VILL: variants seen among roughly 807,000 people sequenced by gnomAD.
The protein encoded by VILL is villin-like protein.
A neutral mutation model predicts 106.3 loss-of-function variants in VILL; 102 were observed. The ratio of observed to expected loss-of-function variants is 0.96; its 90% CI spans 0.82 to 1.13. The LOEUF is 1.13. Ranked by LOEUF, VILL falls within the 50% of genes most tolerant of loss-of-function variation. The pLI, the probability that VILL is intolerant of heterozygous loss-of-function variation, is 0.00. For missense variants in VILL, 1,076 were observed against 1,116.6 expected (o/e 0.96, Z 0.52); for synonymous variants, 431 against 440.3 (o/e 0.98, Z 0.27).
At chr3:38,003,617 C>T in intron 15 of VILL, 1 of 394,526 alleles carries the variant, frequency 2.5e-6, no homozygotes, top group South Asian at 2.8e-5. Context: ...CCCTACAGTC[C>T]TCAGGGATCA....
Position 38,002,420 on chromosome 3 carries a change from GGGCAGTCAGCATCCACCACAA to G in VILL, c.1508_1528del (p.Gln503_Arg509del). The G allele has an allele frequency of 2.5e-6, 4 of 1,613,356 alleles. No homozygotes were observed. In the South Asian group the frequency reaches 4.4e-5, roughly 18 times the overall value. ...GGAGAGAGCTGGGCACCATGGAAAG[GGGCAGTCAGCATCCACCACAA>G]GGCTTTTCCAAGTGCAAGGCACTGA... is the stretch of plus-strand genomic sequence containing the variant. On this transcript the variant is annotated inframe_deletion, in exon 14 of 20. Coordinates refer to ENST00000383759, the MANE Select transcript of VILL (RefSeq NM_015873.4).
chr3:38,002,393 T>C lies in VILL; in HGVS notation c.1480-3T>C, dbSNP rs1239482983. On this transcript the variant is annotated splice_polypyrimidine_tract_variant and splice_region_variant and intron_variant, in intron 13 of 19. Coordinates refer to ENST00000383759, the MANE Select transcript of VILL (RefSeq NM_015873.4). ...CCCAGCCTGAGGCCTTGCTCTCCTA[T>C]AGGAGAGAGCTGGGCACCATGGAAA... The C allele has an allele frequency of 1.9e-6, 3 of 1,609,034 alleles. No individual in the cohort carries two copies. The highest frequency in any genetic ancestry group is 2.5e-6 in the Non-Finnish European group (3 of 1,177,400).
In VILL at chr3:37,997,267, CA is replaced by C; in HGVS notation, c.561+83del. The C allele has an allele frequency of 6.9e-7, 1 of 1,459,506 alleles. No homozygotes were observed. The highest frequency in any genetic ancestry group is 9.5e-7 in the Non-Finnish European group (1 of 1,047,736). 90.4% of individuals were successfully genotyped at this position (1,459,506 alleles called of 1,614,324 possible). A position where few individuals can be genotyped will look rare whatever the true frequency, so the allele number is the denominator to read the frequency against. ...TCCAGTTGACCATCCTCCGGCCACC[CA>C]AAGAGTTGGGCTTGGCTCTGCTACA... On this transcript the variant is annotated intron_variant, in intron 6 of 19. Coordinates refer to ENST00000383759, the MANE Select transcript of VILL (RefSeq NM_015873.4). This position sits in a 1 kb window ranked among gnomAD's most constrained non-coding sequence, Gnocchi z 4.7.
chr3:38,002,173 T>TG (rs1244531910), intron 13 of VILL: 2 of 633,938 alleles, frequency 3.2e-6, no homozygotes, highest in Non-Finnish European at 5.4e-6. Context: ...CACTCAGAGA[T>TG]GGGGGGAAAG....
intron 14 of VILL, chr3:38,002,955 C>A (rs1699846476): frequency 1.6e-6 from 1 of 611,776 alleles, no homozygotes; most frequent in Non-Finnish European, 2.8e-6. Flanking sequence ...ATGCTCTGGA[C>A]CCTGCGAGGG....
rs980515787 is a variant in VILL, at chr3:38,004,400, G to A, written c.1950+1G>A. ...CATGTTACTGGACACCTGGCAGGAGGTAAGGTGGCCATCCCTGCCTGGTGG... is the reference window on the plus strand; with the variant it reads ...CATGTTACTGGACACCTGGCAGGAGATAAGGTGGCCATCCCTGCCTGGTGG... On this transcript the variant is annotated splice_donor_variant, in intron 16 of 19. Coordinates refer to ENST00000383759, the MANE Select transcript of VILL (RefSeq NM_015873.4). LOFTEE classifies it high-confidence loss of function. 34 of 1,603,310 alleles carry A rather than the reference G, an allele frequency of 2.1e-5. No individual in the cohort carries two copies. The highest frequency in any genetic ancestry group is 3.3e-5 in the South Asian group (3 of 90,804).
At chr3:38,003,065 G>A (rs986470260) in intron 14 of VILL, 103 bp from the exon 15 acceptor site, 5 of 1,444,012 alleles carry the variant, frequency 3.5e-6, no homozygotes, top group Admixed American at 5.0e-5. Context: ...GGCCTCCTGT[G>A]ACTTGGGCCC....
intron 10 of VILL, 56 bp downstream of exon 10, chr3:37,999,106 C>T (rs1298756794): frequency 1.9e-6 from 1 of 535,006 alleles, no homozygotes; most frequent in African/African-American, 3.4e-5. Flanking sequence ...GGGGCGGGGC[C>T]TGGCAGGAAT....
At chr3:37,992,146 ACT>A (rs1281305755) in intron 1 of VILL, among the ~76,000 whole-genome samples, 2 of 152,024 alleles carry the variant, frequency 1.3e-5, no homozygotes, top group African/African-American at 4.8e-5. Flanking sequence ...TCTTTCTGGC[ACT>A]CTGTCACCAT....
intron 12 of VILL, 28 bp from the exon 13 acceptor site, chr3:38,001,674 G>A (rs745673701): frequency 1.2e-6 from 2 of 1,613,878 alleles, no homozygotes; most frequent in South Asian, 2.2e-5. Flanking sequence ...AGCTGGGCCA[G>A]GCCCTCACTC....
In VILL at chr3:37,997,712, TGGG is replaced by T; in HGVS notation, c.764+28_764+30del. ...TGAGTACCCCTGGGGTGGGCAGGGGTGGGTGGGACAGTCCAGGACTCTGTGTCC... is the reference window on the plus strand; with the variant it reads ...TGAGTACCCCTGGGGTGGGCAGGGGTTGGGACAGTCCAGGACTCTGTGTCC... On this transcript the variant is annotated intron_variant, in intron 7 of 19. Transcript: ENST00000383759. The surrounding 1 kb of genome is among the most constrained non-coding windows in gnomAD (Gnocchi z 4.7). 3.2e-6 allele frequency: 2 copies of T among 618,884 alleles called. No homozygotes were observed. The highest frequency in any genetic ancestry group is 5.8e-6 in the Non-Finnish European group (2 of 342,600). The allele number at this position is 618,884 out of a possible 1,614,324, so 38.3% of individuals were successfully genotyped here. A position where few individuals can be genotyped will look rare whatever the true frequency, so the allele number is the denominator to read the frequency against.
chr3:37,998,232 A>G lies in VILL; in HGVS notation c.844-34A>G, dbSNP rs1473992248. On this transcript the variant is annotated intron_variant, in intron 8 of 19. Transcript: ENST00000383759. The surrounding 1 kb of genome is among the most constrained non-coding windows in gnomAD (Gnocchi z 4.1). ...CATCCACAACCCCAGCCCAGTCTGG[A>G]CCACCTACTGACCAGCCCCACCCTT... The G allele has an allele frequency of 1.2e-6, 2 of 1,613,726 alleles. No homozygotes were observed. The highest frequency in any genetic ancestry group is 1.3e-5 in the African/African-American group (1 of 74,924).
chr3:38,005,625 G>C (rs995325473), intron 16 of VILL, among the ~76,000 whole-genome samples, 167 bp from the exon 17 acceptor site: 1 of 152,182 alleles, frequency 6.6e-6, no homozygotes, highest in Non-Finnish European at 1.5e-5. Flanking sequence ...TGACCTTCTC[G>C]TGTGTTCACG....
At chr3:37,988,251 G>A (rs1391422098), upstream of VILL, 1 of 152,326 alleles carries the variant, frequency 6.6e-6, no homozygotes, top group Non-Finnish European at 1.5e-5. Flanking sequence ...AAGCCATGGG[G>A]AGAGTGATGG....
chr3:37,993,810 C>G (rs926568946), intron 2 of VILL, 78 bp downstream of exon 2: 1 of 1,606,128 alleles, frequency 6.2e-7, no homozygotes, highest in Non-Finnish European at 8.5e-7. Context: ...CTCCCGCCCC[C>G]AACTCAGAGC....
In VILL at chr3:37,993,651, C is replaced by A. The variant is rs1447122555; in HGVS notation, c.-22C>A. 6.2e-7 allele frequency: 1 copy of A among 1,612,880 alleles called. No individual in the cohort carries two copies. The highest frequency in any genetic ancestry group is 1.1e-5 in the South Asian group (1 of 91,044). ...TCTGGCTGTTGTTCCTTGTGTCGTC[C>A]CATATTCCTGCCTGGCCTGCGATGG... On this transcript the variant is annotated 5_prime_UTR_variant, in exon 2 of 20. Transcript: ENST00000383759.
Position 38,003,573 on chromosome 3 carries a change from G to T in VILL, c.1805+260G>T, listed in dbSNP as rs759669048. The T allele has an allele frequency of 3.7e-4, 178 of 478,734 alleles. 1 individual carries two copies. Among genetic ancestry groups the T allele is most frequent in the Middle Eastern group, 2.3e-3 (4 of 1,756 alleles). The allele number at this position is 478,734 out of a possible 1,614,324, so 29.7% of individuals were successfully genotyped here. On this transcript the variant is annotated intron_variant, in intron 15 of 19. Transcript: ENST00000383759. ...CAGCATCCCCTCCCTGCATTGTCCT[G>T]GTCCTGGGCCAGGGGACAAAGCACC...
At position 38,007,069 on chromosome 3, in the gene VILL, C is replaced by T. The variant is rs146334364; in HGVS notation, c.*14C>T. ...GGCTTCTTCTGAACCCAAGCCCTCT[C>T]GACTGCCCCTATCCCCTGGACCCCA... On this transcript the variant is annotated 3_prime_UTR_variant, in exon 20 of 20. Coordinates refer to ENST00000383759, the MANE Select transcript of VILL (RefSeq NM_015873.4). 31 of 1,606,812 alleles carry T rather than the reference C, an allele frequency of 1.9e-5. No individual in the cohort carries two copies. Among genetic ancestry groups the T allele is most frequent in the Admixed American group, 3.3e-5 (2 of 59,966 alleles).
intron 4 of VILL, among the ~76,000 whole-genome samples, chr3:37,994,800 C>G (rs997121533): frequency 2.0e-5 from 3 of 152,254 alleles, no homozygotes; most frequent in Non-Finnish European, 4.4e-5. Flanking sequence ...TCTGCTTTGT[C>G]TATACATTTG....
Sources: allele counts gnomAD v4.1 joint callset (sites outside exome capture counted in the v4.1 genomes callset), GRCh38; gene constraint gnomAD v4.1.1; non-coding constraint Gnocchi (gnomAD v3.1); transcripts MANE v1.5; gene names NCBI Gene and HGNC (gene_info 2026-07-23, HGNC 2026-07-21).